Variants in PLEKHA7 observed in about 807,000 individuals in gnomAD.
The protein encoded by PLEKHA7 is pleckstrin homology domain-containing family A member 7.
PLEKHA7 carries 104 observed loss-of-function variants against 170.0 expected under a neutral mutation model. The ratio of observed to expected loss-of-function variants is 0.61; its 90% CI spans 0.52 to 0.72. The LOEUF (loss-of-function observed/expected upper bound fraction) is 0.72. Ranked by LOEUF, PLEKHA7 falls within the 30% of genes least tolerant of loss-of-function variation. The pLI is 0.00. For synonymous variants in PLEKHA7, 648 were observed against 660.8 expected (o/e 0.98, Z 0.30); for missense variants, 1,615 against 1,671.7 (o/e 0.97, Z 0.59).
intron 3 of PLEKHA7, among the ~76,000 whole-genome samples, chr11:16,922,184 T>TCTTATC (rs1859147279): frequency 1.0e-4 from 5 of 48,196 alleles, no homozygotes; most frequent in Admixed American, 9.3e-4. Context: ...ACATTCTTAT[T>TCTTATC]TTCTACATTT....
chr11:16,875,294 C>A (rs1855192054), intron 3 of PLEKHA7, among the ~76,000 whole-genome samples: 1 of 152,026 alleles, frequency 6.6e-6, no homozygotes, highest in Non-Finnish European at 1.5e-5. Context: ...TATTTTTATC[C>A]CCATGTTAAA....
intron 17 of PLEKHA7, among the ~76,000 whole-genome samples, chr11:16,798,556 G>A (rs548964538): frequency 1.3e-5 from 2 of 152,228 alleles, no homozygotes; most frequent in South Asian, 2.1e-4. Context: ...ATAATCATAC[G>A]AATAGATATT....
chr11:16,804,765 G>C (rs1590174301), intron 13 of PLEKHA7, among the ~76,000 whole-genome samples: 2 of 152,342 alleles, frequency 1.3e-5, no homozygotes, highest in Admixed American at 6.5e-5. Flanking sequence ...GGAAAAAATA[G>C]AACTCCAGCC....
intron 3 of PLEKHA7, among the ~76,000 whole-genome samples, chr11:16,892,616 CTTCTT>C (rs1246991548): frequency 1.9e-3 from 158 of 82,866 alleles, no homozygotes; most frequent in African/African-American, 7.4e-3. Flanking sequence ...CAGCTTCCAG[CTTCTT>C]TTTTTTTTTT....
At chr11:16,892,619 C>CTTTTTTTTTTTTTTT (rs10674972) in intron 3 of PLEKHA7, among the ~76,000 whole-genome samples, 1 of 82,414 alleles carries the variant, frequency 1.2e-5, no homozygotes, top group Non-Finnish European at 2.2e-5. Flanking sequence ...CTTCCAGCTT[C>CTTTTTTTTTTTTTTT]TTTTTTTTTT....
chr11:17,010,140 C>A (rs2137126516), intron 3 of PLEKHA7, among the ~76,000 whole-genome samples: 1 of 152,158 alleles, frequency 6.6e-6, no homozygotes, highest in African/African-American at 2.4e-5. Context: ...GTAATCCGAG[C>A]ACTTTGGGAG....
intron 4 of PLEKHA7, among the ~76,000 whole-genome samples, chr11:16,867,262 T>C (rs1275555764): frequency 6.6e-6 from 1 of 152,206 alleles, no homozygotes; most frequent in African/African-American, 2.4e-5. Context: ...GAGTCTCTGA[T>C]TCAGTAGGCC....
intron 13 of PLEKHA7, among the ~76,000 whole-genome samples, chr11:16,807,636 G>A (rs148097248): frequency 1.3e-5 from 2 of 152,272 alleles, no homozygotes; most frequent in African/African-American, 4.8e-5. Flanking sequence ...TTAGAGTCGT[G>A]CCATGCATTC....
At chr11:16,916,283 G>C (rs934854065) in intron 3 of PLEKHA7, among the ~76,000 whole-genome samples, 1 of 152,088 alleles carries the variant, frequency 6.6e-6, no homozygotes, top group Non-Finnish European at 1.5e-5. Flanking sequence ...AGTAGGTTGC[G>C]AAAATTTTCT....
At chr11:16,836,259 G>T (rs1851504028) in intron 9 of PLEKHA7, among the ~76,000 whole-genome samples, 2 of 152,188 alleles carry the variant, frequency 1.3e-5, no homozygotes, top group African/African-American at 4.8e-5. Flanking sequence ...ACACAGGTGG[G>T]AAGAGCCCAG....
intron 3 of PLEKHA7, among the ~76,000 whole-genome samples, chr11:16,890,786 T>C (rs527408205): frequency 1.2e-4 from 18 of 152,326 alleles, no homozygotes; most frequent in African/African-American, 4.1e-4. Flanking sequence ...ATACATTGTT[T>C]TAAAATTAAT....
intron 26 of PLEKHA7, among the ~76,000 whole-genome samples, chr11:16,782,108 C>T (rs1050170017): frequency 6.6e-6 from 1 of 151,490 alleles, no homozygotes; most frequent in African/African-American, 2.4e-5. Context: ...CACACACACA[C>T]AGACACACAG....
chr11:16,888,249 G>A (rs1467404232), intron 3 of PLEKHA7, among the ~76,000 whole-genome samples: 22 of 148,092 alleles, frequency 1.5e-4, no homozygotes, highest in East Asian at 6.1e-4. Context: ...CAGCCGCCCC[G>A]TCCAGGAGGG....
chr11:17,012,169 A>G (rs77105271), intron 3 of PLEKHA7, among the ~76,000 whole-genome samples: 7,914 of 152,190 alleles, frequency 0.052, 396 homozygotes, highest in East Asian at 0.15. Flanking sequence ...TCGTTCTAAA[A>G]ACACACACCA....
chr11:16,815,323 A>C (rs1254667279), intron 12 of PLEKHA7: 1 of 152,706 alleles, frequency 6.5e-6, no homozygotes, highest in Non-Finnish European at 1.5e-5. Flanking sequence ...AGCACAAGGA[A>C]GTTAGCACCG....
Position 16,787,078 on chromosome 11 carries a change from T to C in PLEKHA7, c.3358-691A>G, listed in dbSNP as rs576492775. 3.0e-4 allele frequency: 298 copies of C among 985,468 alleles called. 4 individuals are homozygous for C. The South Asian group carries it at 0.012, about 40-fold the overall frequency. The allele number at this position is 985,468 out of a possible 1,614,324, so 61.0% of individuals were successfully genotyped here. A position where few individuals can be genotyped will look rare whatever the true frequency, so the allele number is the denominator to read the frequency against. On this transcript the variant is annotated intron_variant, in intron 23 of 26. Coordinates refer to ENST00000531066, the MANE Select transcript of PLEKHA7 (RefSeq NM_001329630.2). The stretch of plus-strand genomic sequence containing the variant: ...TAAGGCTGTTTCACAGTATCAACTT[T>C]GTAACAAGCTTCCCAAGAGGGAAAA...
At chr11:17,013,682 A>G (rs1209308115) in intron 3 of PLEKHA7, among the ~76,000 whole-genome samples, 3 of 152,182 alleles carry the variant, frequency 2.0e-5, no homozygotes, top group Non-Finnish European at 4.4e-5. Context: ...CCCAGACCCT[A>G]GAGGGGAGGC....
At chr11:16,985,703 G>A (rs976456833) in intron 3 of PLEKHA7, among the ~76,000 whole-genome samples, 1 of 152,264 alleles carries the variant, frequency 6.6e-6, no homozygotes, top group African/African-American at 2.4e-5. Flanking sequence ...GGACAGATAT[G>A]TGAATCAATC....
At chr11:16,918,305 C>A (rs1361114174) in intron 3 of PLEKHA7, among the ~76,000 whole-genome samples, 1 of 152,114 alleles carries the variant, frequency 6.6e-6, no homozygotes, top group Non-Finnish European at 1.5e-5. Context: ...ACCTAGCAAC[C>A]CAACCACGTT....
Sources: allele counts gnomAD v4.1 joint callset (sites outside exome capture counted in the v4.1 genomes callset), GRCh38; gene constraint gnomAD v4.1.1; transcripts MANE v1.5; gene names NCBI Gene and HGNC (gene_info 2026-07-23, HGNC 2026-07-21).